The following ATP2B4 variants were observed in gnomAD, a reference collection of about 807,000 sequenced individuals.
ATP2B4 encodes the protein ATPase plasma membrane Ca2+ transporting 4.
ATP2B4 carries 39 observed loss-of-function variants against 110.3 expected under a neutral mutation model. That is an observed-to-expected ratio of 0.35 (90% confidence interval 0.27 to 0.46). The LOEUF (loss-of-function observed/expected upper bound fraction) is 0.46, where lower values mean the gene tolerates loss of function less well. ATP2B4 is among the 20% of genes least tolerant of loss of function. The pLI is 1.00. For synonymous variants in ATP2B4, 538 were observed against 571.7 expected (o/e 0.94, Z 0.84); for missense variants, 1,135 against 1,530.9 (o/e 0.74, Z 4.32).
At position 203,629,098 on chromosome 1, in the gene ATP2B4, C is replaced by G. The variant is rs1211467153; in HGVS notation, c.-465+1879C>G. 6.6e-6 allele frequency among the ~76,000 whole-genome samples: 1 copy of G among 151,882 alleles called. No individual in the cohort carries two copies. The highest frequency in any genetic ancestry group is 2.4e-5 in the African/African-American group (1 of 41,322). On this transcript the variant is annotated intron_variant, in intron 1 of 20. Coordinates refer to ENST00000357681, the MANE Select transcript of ATP2B4 (RefSeq NM_001684.5). The surrounding 1 kb of genome is among the most constrained non-coding windows in gnomAD (Gnocchi z 4.6). ...AAAACACTTAGAGGAGAGCTCATCT[C>G]GGGGCTGGGGATGCAACAGGAACGA... is the stretch of plus-strand genomic sequence containing the variant.
Position 203,705,564 on chromosome 1 carries a change from G to T in ATP2B4, c.1100-1445G>T, listed in dbSNP as rs184499708. 1.2e-4 allele frequency among the ~76,000 whole-genome samples: 19 copies of T among 152,274 alleles called. No individual in the cohort carries two copies. In the East Asian group the frequency reaches 3.7e-3, roughly 29 times the overall value. Reference sequence around the variant, plus strand: ...CCATGCCTGGCTAATTTTTAGTAAAGACAGATTTTTGCCATTTTGGGCAGG... The same window carrying T: ...CCATGCCTGGCTAATTTTTAGTAAATACAGATTTTTGCCATTTTGGGCAGG... On this transcript the variant is annotated intron_variant, in intron 8 of 20. Coordinates refer to ENST00000357681, the MANE Select transcript of ATP2B4 (RefSeq NM_001684.5).
At chr1:203,679,253 C>T (rs1664923193) in intron 1 of ATP2B4, among the ~76,000 whole-genome samples, 1 of 152,082 alleles carries the variant, frequency 6.6e-6, no homozygotes, top group South Asian at 2.1e-4. Context: ...AGATTAGGGG[C>T]CAGGCAAGCT....
chr1:203,699,760 C>G, intron 4 of ATP2B4, 43 bp downstream of exon 4: 1 of 1,606,776 alleles, frequency 6.2e-7, no homozygotes. Context: ...CCACCACCCC[C>G]ATTTAAGGGA....
At chr1:203,671,668 A>G (rs926272578) in intron 1 of ATP2B4, among the ~76,000 whole-genome samples, 37 of 152,266 alleles carry the variant, frequency 2.4e-4, no homozygotes, top group African/African-American at 8.9e-4. Context: ...AATCAGCTGC[A>G]CTGTTACTCA....
At chr1:203,686,005 C>CA (rs764959663) in intron 2 of ATP2B4, among the ~76,000 whole-genome samples, 29,103 of 136,252 alleles carry the variant, frequency 0.21, 2,998 homozygotes, top group African/African-American at 0.28. Context: ...TTCTTAATCA[C>CA]AAAAAAAAAA....
intron 1 of ATP2B4, among the ~76,000 whole-genome samples, chr1:203,653,966 T>C (rs1664074423): frequency 7.8e-6 from 1 of 127,982 alleles, no homozygotes; most frequent in Non-Finnish European, 1.6e-5. Flanking sequence ...GCCAAATATA[T>C]ATATATATAT....
Position 203,739,837 on chromosome 1 carries a change from C to CT in ATP2B4, c.3602dup (p.Glu1202ArgfsTer48), listed in dbSNP as rs1198643376. 6.2e-7 allele frequency: 1 copy of CT among 1,606,018 alleles called. No individual in the cohort carries two copies. Among genetic ancestry groups the CT allele is most frequent in the Non-Finnish European group, 8.5e-7 (1 of 1,175,548 alleles). On this transcript the variant is annotated frameshift_variant, in exon 21 of 21. Transcript: ENST00000357681. LOFTEE classifies it high-confidence loss of function. The stretch of plus-strand genomic sequence containing the variant: ...CCAGTCGGACAGCTCTCTACAGAGC[C>CT]TAGAGACATCAGTTTGAATTTTCTT...
At chr1:203,657,005 C>T in intron 1 of ATP2B4, 1 of 738,034 alleles carries the variant, frequency 1.4e-6, no homozygotes, top group South Asian at 1.4e-5. Context: ...CCATCATTTT[C>T]AGGACTGTTG....
At chr1:203,724,899 CAG>C (rs1397520294) in intron 19 of ATP2B4, among the ~76,000 whole-genome samples, 3 of 108,756 alleles carry the variant, frequency 2.8e-5, no homozygotes, top group African/African-American at 3.5e-5. Flanking sequence ...TTTTCTGAGA[CAG>C]AGTCTTGCTC....
At chr1:203,653,608 A>G (rs1197535346) in intron 1 of ATP2B4, among the ~76,000 whole-genome samples, 1 of 152,150 alleles carries the variant, frequency 6.6e-6, no homozygotes, top group East Asian at 1.9e-4. Flanking sequence ...AATGTTTACC[A>G]TTCTGAAAAT....
At chr1:203,680,177 G>A (rs1664960003) in intron 1 of ATP2B4, among the ~76,000 whole-genome samples, 1 of 151,958 alleles carries the variant, frequency 6.6e-6, no homozygotes, top group Non-Finnish European at 1.5e-5. Flanking sequence ...CCTAGCTAAT[G>A]GTTATTGTTA....
intron 2 of ATP2B4, among the ~76,000 whole-genome samples, chr1:203,683,666 C>CTTTTTTTTTTTTT (rs11326748): frequency 1.5e-3 from 118 of 77,696 alleles, no homozygotes; most frequent in East Asian, 2.8e-3. Flanking sequence ...TCTTTTGTTT[C>CTTTTTTTTTTTTT]TTTTTTTTTT....
At chr1:203,698,464 A>C in intron 3 of ATP2B4, 110 bp downstream of exon 3, 1 of 1,206,608 alleles carries the variant, frequency 8.3e-7, no homozygotes, top group Non-Finnish European at 1.2e-6. Context: ...CATTTCCCCC[A>C]TTATCCAGAG....
intron 1 of ATP2B4, among the ~76,000 whole-genome samples, chr1:203,653,022 G>T (rs889123527): frequency 6.6e-6 from 1 of 152,202 alleles, no homozygotes; most frequent in Non-Finnish European, 1.5e-5. Context: ...TAGGCCCAAA[G>T]CTAGGCCTCT....
rs944812388 is a variant in ATP2B4 at position 203,742,734 on chromosome 1, T to C, written c.*2880T>C. On this transcript the variant is annotated 3_prime_UTR_variant, in exon 21 of 21. Coordinates refer to ENST00000357681, the MANE Select transcript of ATP2B4 (RefSeq NM_001684.5). ...TGTTGGATTTGTGTTTCTTGAAGAATAGCTGGCAGAGTGGTATAAAAGACA... is the reference window on the plus strand; with the variant it reads ...TGTTGGATTTGTGTTTCTTGAAGAACAGCTGGCAGAGTGGTATAAAAGACA... 6.6e-6 allele frequency: 1 copy of C among 152,206 alleles called. No homozygotes were observed. The highest frequency in any genetic ancestry group is 1.5e-5 in the Non-Finnish European group (1 of 68,036). 9.4% of individuals were successfully genotyped at this position (152,206 alleles called of 1,614,324 possible).
rs892539255 is a variant in ATP2B4, at chr1:203,657,287, G to C, written c.-464-25455G>C. On this transcript the variant is annotated intron_variant, in intron 1 of 20. Coordinates refer to ENST00000357681, the MANE Select transcript of ATP2B4 (RefSeq NM_001684.5). Reference sequence around the variant, plus strand: ...TTGTAAAGCCATCTCCGACAAAGCAGAGTTTAGTAACCACCCTCTTCCATG... The same window carrying C: ...TTGTAAAGCCATCTCCGACAAAGCACAGTTTAGTAACCACCCTCTTCCATG... 1.5e-5 allele frequency: 11 copies of C among 726,862 alleles called. 1 individual carries two copies. In the Admixed American group the frequency reaches 2.3e-4, roughly 15 times the overall value. The allele number at this position is 726,862 out of a possible 1,614,324, so 45.0% of individuals were successfully genotyped here.
At chr1:203,657,087 C>T in intron 1 of ATP2B4, 1 of 843,374 alleles carries the variant, frequency 1.2e-6, no homozygotes, top group South Asian at 1.4e-5. Flanking sequence ...TCACATTTAC[C>T]TCAATGACAA....
intron 1 of ATP2B4, among the ~76,000 whole-genome samples, chr1:203,675,710 G>A (rs1664809054): frequency 6.6e-6 from 1 of 152,192 alleles, no homozygotes; most frequent in Non-Finnish European, 1.5e-5. Context: ...AGAGGGGGAA[G>A]TAAGTGAGGG....
At chr1:203,713,448 G>GTT (rs779704853) in intron 14 of ATP2B4, among the ~76,000 whole-genome samples, 196 bp downstream of exon 14, 2,209 of 151,666 alleles carry the variant, frequency 0.015, 62 homozygotes, top group African/African-American at 0.052. Flanking sequence ...AAGTTGTTGG[G>GTT]TTTTTATTTT....
Sources: allele counts gnomAD v4.1 joint callset (sites outside exome capture counted in the v4.1 genomes callset), GRCh38; gene constraint gnomAD v4.1.1; non-coding constraint Gnocchi (gnomAD v3.1); transcripts MANE v1.5; gene names NCBI Gene and HGNC (gene_info 2026-07-23, HGNC 2026-07-21).